The following ACTR3C variants were observed in gnomAD, a reference collection of about 807,000 sequenced individuals.
The protein encoded by ACTR3C is actin related protein 3C, also known as actin-related protein 3C.
In ACTR3C, 18 loss-of-function variants were observed where a neutral mutation model predicts 26.3. The observed-to-expected ratio is 0.68, with a 90% CI of 0.47 to 1.01. The LOEUF is 1.01. Ranked by LOEUF, ACTR3C falls within the 50% of genes least tolerant of loss-of-function variation. The pLI, the probability that ACTR3C is intolerant of heterozygous loss-of-function variation, is 0.00. For missense variants in ACTR3C, 184 were observed against 250.7 expected, an observed-to-expected ratio of 0.73 and a Z score of 1.80; for synonymous variants, 55 against 94.5, an observed-to-expected ratio of 0.58 and a Z score of 2.42.
At chr7:150,038,536 C>T in the ACTR3C span, among the ~76,000 whole-genome samples, 2 of 145,086 alleles carry the variant, frequency 1.4e-5, no homozygotes, top group Non-Finnish European at 3.0e-5. Context: ...GCCTACAAAA[C>T]CCCACAGCTC....
the ACTR3C span, among the ~76,000 whole-genome samples, chr7:149,975,030 C>A: frequency 6.6e-6 from 1 of 152,134 alleles, no homozygotes. Context: ...GGCGGGAACA[C>A]CTACATTAGA....
At chr7:150,239,561 T>TATATAA (rs1554447200), downstream of ACTR3C, among the ~76,000 whole-genome samples, 5 of 137,732 alleles carry the variant, frequency 3.6e-5, no homozygotes, top group African/African-American at 5.8e-5. Flanking sequence ...TATATATATA[T>TATATAA]AATTTATTAT....
At chr7:150,273,267 T>C (rs1834589605) in intron 6 of ACTR3C, among the ~76,000 whole-genome samples, 1 of 135,498 alleles carries the variant, frequency 7.4e-6, no homozygotes, top group Non-Finnish European at 1.5e-5. Context: ...TCACTGCTTA[T>C]AGAGCACAGA....
intron 1 of ACTR3C, among the ~76,000 whole-genome samples, chr7:150,313,671 G>A (rs1796530865): frequency 6.6e-6 from 1 of 152,032 alleles, no homozygotes; most frequent in African/African-American, 2.4e-5. Context: ...CAATGCCCTG[G>A]CCAAGAGGAG....
At chr7:150,148,368 T>C in the ACTR3C span, among the ~76,000 whole-genome samples, 4 of 151,956 alleles carry the variant, frequency 2.6e-5, no homozygotes, top group Non-Finnish European at 5.9e-5. Context: ...TCCCAGCTAC[T>C]TGGGAGGCTG....
the ACTR3C span, among the ~76,000 whole-genome samples, chr7:150,100,697 T>TTTTCTTTC: frequency 4.7e-4 from 70 of 149,324 alleles, 1 homozygote; most frequent in East Asian, 2.4e-3. Context: ...GAGCTTGAGT[T>TTTTCTTTC]TTTCTTTCTT....
chr7:150,226,669 C>T, the ACTR3C span, among the ~76,000 whole-genome samples: 14,568 of 152,148 alleles, frequency 0.096, 891 homozygotes, highest in East Asian at 0.23. Flanking sequence ...AACTCCTGAC[C>T]TCAAGTGATC....
chr7:150,226,065 G>A, the ACTR3C span, among the ~76,000 whole-genome samples: 1 of 152,098 alleles, frequency 6.6e-6, no homozygotes, highest in Admixed American at 6.5e-5. Flanking sequence ...TCATTCTATG[G>A]CTACACCACA....
the ACTR3C span, among the ~76,000 whole-genome samples, chr7:149,964,917 G>A: frequency 6.6e-6 from 1 of 152,100 alleles, no homozygotes; most frequent in Non-Finnish European, 1.5e-5. Flanking sequence ...TTAGGAGGAA[G>A]TGAATAAGGT....
At chr7:150,014,924 A>G in the ACTR3C span, among the ~76,000 whole-genome samples, 5 of 152,136 alleles carry the variant, frequency 3.3e-5, no homozygotes, top group South Asian at 6.2e-4. Context: ...CCATAAGTTC[A>G]GTGTTTGACC....
chr7:150,150,308 GCTTGTTGACTAGGT>G, the ACTR3C span, among the ~76,000 whole-genome samples: 4 of 152,292 alleles, frequency 2.6e-5, no homozygotes, highest in East Asian at 3.9e-4. Flanking sequence ...ATTTAGCATC[GCTTGTTGACTAGGT>G]CTTTCTCTCC....
chr7:150,314,442 T>C (rs953848758), intron 1 of ACTR3C, among the ~76,000 whole-genome samples: 2 of 152,036 alleles, frequency 1.3e-5, no homozygotes, highest in African/African-American at 4.8e-5. Flanking sequence ...AGGGTACTGA[T>C]TGGCTCAGAA....
the ACTR3C span, among the ~76,000 whole-genome samples, chr7:150,041,904 C>A: frequency 0.014 from 740 of 51,742 alleles, no homozygotes; most frequent in Middle Eastern, 0.086. Flanking sequence ...TGGGGGTCCT[C>A]AGAGCCAGGG....
At chr7:150,301,744 G>T (rs1005105466) in intron 1 of ACTR3C, among the ~76,000 whole-genome samples, 9 of 150,928 alleles carry the variant, frequency 6.0e-5, no homozygotes, top group African/African-American at 2.2e-4. Flanking sequence ...GAAGCATGAA[G>T]ACGCTAAGTG....
At chr7:150,217,295 C>A in the ACTR3C span, among the ~76,000 whole-genome samples, 2 of 151,720 alleles carry the variant, frequency 1.3e-5, no homozygotes, top group South Asian at 2.1e-4. Flanking sequence ...CTGCTGCTTC[C>A]AGAGACTGAA....
chr7:149,950,148 AC>A, the ACTR3C span, among the ~76,000 whole-genome samples: 1 of 133,196 alleles, frequency 7.5e-6, no homozygotes, highest in Non-Finnish European at 1.5e-5. Context: ...TTTCTCCGAC[AC>A]AAGTGCCTTC....
the ACTR3C span, among the ~76,000 whole-genome samples, chr7:150,041,166 T>C: frequency 6.0e-5 from 9 of 150,476 alleles, no homozygotes; most frequent in African/African-American, 2.0e-4. Context: ...ATGAAAAACT[T>C]GCTGTTGTTG....
intron 6 of ACTR3C, among the ~76,000 whole-genome samples, chr7:150,252,130 G>C (rs1187663399): frequency 0.028 from 4,238 of 151,766 alleles, 186 homozygotes; most frequent in African/African-American, 0.097. Context: ...GTGTCTGTGT[G>C]TGTGTGTGTG....
chr7:150,003,692 T>C, the ACTR3C span, among the ~76,000 whole-genome samples: 1 of 151,650 alleles, frequency 6.6e-6, no homozygotes, highest in Non-Finnish European at 1.5e-5. Flanking sequence ...TGTGGTGTGT[T>C]TGTGTGTGTG....
Sources: allele counts gnomAD v4.1 joint callset (sites outside exome capture counted in the v4.1 genomes callset), GRCh38; gene constraint gnomAD v4.1.1; transcripts MANE v1.5; gene names NCBI Gene and HGNC (gene_info 2026-07-23, HGNC 2026-07-21).